The following DIAPH2 variants were observed in gnomAD, a reference collection of about 807,000 sequenced individuals.
DIAPH2 encodes protein diaphanous homolog 2.
Under a neutral mutation model 92.7 loss-of-function variants are expected in DIAPH2, and 35 were observed. The ratio of observed to expected loss-of-function variants is 0.38; its 90% confidence interval spans 0.29 to 0.50. The LOEUF is 0.50. Among genes scored for constraint, DIAPH2 ranks in the 20% least tolerant of loss-of-function variants. The pLI, the probability that DIAPH2 is intolerant of heterozygous loss-of-function variation, is 0.94. For synonymous variants in DIAPH2, 301 were observed against 280.4 expected, an observed-to-expected ratio of 1.07 and a Z score of -0.73; for missense variants, 701 against 819.5, an observed-to-expected ratio of 0.86 and a Z score of 1.77.
chrX:96,685,082 G>A lies in DIAPH2; in HGVS notation c.24G>A (p.Ala8=). 9.9e-7 allele frequency: 1 copy of A among 1,008,829 alleles called. No homozygotes were observed. 83.1% of individuals were successfully genotyped at this position (1,008,829 alleles called of 1,213,427 possible). Residue 8 remains alanine (A), a synonymous_variant, in exon 1 of 27, where the codon GCG becomes GCA. Coordinates refer to ENST00000324765, the MANE Select transcript of DIAPH2 (RefSeq NM_006729.5). ...AGATGGAGCAGCCCGGGGCGGCGGC[G>A]TCGGGAGCGGGAGGCGGCAGCGAGG... The part of the protein sequence containing the change: MEQPGAA[A]SGAGGGSEEP...
In DIAPH2 at chrX:97,164,666, C is replaced by T. The variant is rs2067398887; in HGVS notation, c.2719+22872C>T. On this transcript the variant is annotated intron_variant, in intron 22 of 26. Transcript: ENST00000324765. The stretch of plus-strand genomic sequence containing the variant: ...AGCTTTCTCAGTAAATTGTTTACAT[C>T]ACTGACCATTAATTCTTAGAAGTCC... Among the ~76,000 whole-genome samples the T allele has an allele frequency of 3.6e-5, 4 of 112,327 alleles. No homozygotes were observed. In the South Asian group the frequency reaches 1.5e-3, roughly 42 times the overall value.
At chrX:96,694,497 C>T (rs1019765633) in intron 1 of DIAPH2, among the ~76,000 whole-genome samples, 3 of 110,640 alleles carry the variant, frequency 2.7e-5, no homozygotes, top group Admixed American at 1.9e-4. Flanking sequence ...TGCACCACCA[C>T]GCCCAGCTAA....
intron 22 of DIAPH2, among the ~76,000 whole-genome samples, chrX:97,208,564 G>C (rs2067815888): frequency 2.7e-5 from 3 of 111,916 alleles, no homozygotes; most frequent in Admixed American, 1.9e-4. Context: ...TGCCAAAAGG[G>C]AATGACTGAC....
intron 22 of DIAPH2, among the ~76,000 whole-genome samples, chrX:97,231,241 CTTT>C (rs5903071): frequency 1.2e-5 from 1 of 83,379 alleles, no homozygotes; most frequent in Non-Finnish European, 2.3e-5. Flanking sequence ...TTCTTTCAGG[CTTT>C]TTTTTTTTTT....
chrX:97,436,715 T>C lies in DIAPH2; in HGVS notation c.3241+6970T>C, dbSNP rs773155829. On this transcript the variant is annotated intron_variant, in intron 26 of 26. Transcript: ENST00000324765. ...CACCTCATCTGCTATAAGGGATCTA[T>C]GAAGCATTTCTGGGAGTTATCAGGG... Among the ~76,000 whole-genome samples, 13 of 111,803 alleles carry C rather than the reference T, an allele frequency of 1.2e-4. No individual in the cohort carries two copies. The South Asian group carries it at 4.9e-3, about 42-fold the overall frequency.
intron 19 of DIAPH2, among the ~76,000 whole-genome samples, chrX:97,092,535 T>C: frequency 8.9e-6 from 1 of 112,862 alleles, no homozygotes; most frequent in African/African-American, 3.2e-5. Flanking sequence ...ATTTTGACTT[T>C]GTATTTCTTT....
At chrX:96,753,262 C>G (rs902148692) in intron 3 of DIAPH2, among the ~76,000 whole-genome samples, 2 of 111,434 alleles carry the variant, frequency 1.8e-5, no homozygotes, top group African/African-American at 6.5e-5. Flanking sequence ...GAGACATAGC[C>G]CAGCATATGT....
chrX:96,939,488 G>GTA (rs1363013600), intron 12 of DIAPH2, 106 bp downstream of exon 12: 15 of 108,826 alleles, frequency 1.4e-4, no homozygotes, highest in South Asian at 3.6e-4. Flanking sequence ...GTGTGTGTAT[G>GTA]TATATATATA....
At chrX:97,129,801 A>G (rs1366992352) in intron 21 of DIAPH2, among the ~76,000 whole-genome samples, 1 of 111,246 alleles carries the variant, frequency 9.0e-6, no homozygotes, top group Non-Finnish European at 1.9e-5. Context: ...AAATAACACT[A>G]TCAACAGAGT....
At chrX:97,179,214 G>C (rs12393786) in intron 22 of DIAPH2, among the ~76,000 whole-genome samples, 7,925 of 105,766 alleles carry the variant, frequency 0.075, 664 homozygotes, top group African/African-American at 0.24. Context: ...GCGAGGCTGT[G>C]ATCCTGTACT....
intron 22 of DIAPH2, among the ~76,000 whole-genome samples, chrX:97,170,169 T>C (rs1308688079): frequency 9.0e-6 from 1 of 110,946 alleles, no homozygotes; most frequent in African/African-American, 3.3e-5. Flanking sequence ...TCTGGACTTA[T>C]GGGGAGAAGT....
intron 22 of DIAPH2, among the ~76,000 whole-genome samples, chrX:97,227,272 TA>T (rs983253728): frequency 7.5e-5 from 8 of 106,789 alleles, no homozygotes; most frequent in South Asian, 4.0e-4. Context: ...AGACTTCGTC[TA>T]AAAAAAAAAC....
intron 10 of DIAPH2, among the ~76,000 whole-genome samples, chrX:96,936,263 G>A (rs2065656952): frequency 9.0e-6 from 1 of 111,518 alleles, no homozygotes; most frequent in African/African-American, 3.3e-5. Flanking sequence ...TTCAGTAATA[G>A]CCATTACATC....
chrX:96,780,665 G>A (rs1327772378), intron 4 of DIAPH2, among the ~76,000 whole-genome samples: 1 of 109,361 alleles, frequency 9.1e-6, no homozygotes, highest in Non-Finnish European at 1.9e-5. Context: ...TGTATTTTTA[G>A]TAGAGACGGG....
At chrX:96,956,637 T>G (rs920707131) in intron 15 of DIAPH2, among the ~76,000 whole-genome samples, 10 of 112,116 alleles carry the variant, frequency 8.9e-5, no homozygotes, top group African/African-American at 3.2e-4. Flanking sequence ...GTTCCACAGA[T>G]CTTTAGGGCA....
At chrX:97,160,831 A>G (rs1350974205) in intron 22 of DIAPH2, among the ~76,000 whole-genome samples, 1 of 111,653 alleles carries the variant, frequency 9.0e-6, no homozygotes, top group Non-Finnish European at 1.9e-5. Flanking sequence ...TTATATATTG[A>G]TCACAGAGAG....
At chrX:96,895,865 C>G (rs982295648) in intron 5 of DIAPH2, among the ~76,000 whole-genome samples, 3 of 111,879 alleles carry the variant, frequency 2.7e-5, no homozygotes, top group African/African-American at 9.7e-5. Context: ...AATGGCTGAC[C>G]AATGTCTTTC....
In DIAPH2 at chrX:97,312,618, G is replaced by A. The variant is rs189632592; in HGVS notation, c.2845-35498G>A. Reference sequence around the variant, plus strand: ...GCCGCCTCAGCCCTCCAAAGTGCTGGGATTACGGGCATCGGCCAGTGCACC... The same window carrying A: ...GCCGCCTCAGCCCTCCAAAGTGCTGAGATTACGGGCATCGGCCAGTGCACC... On this transcript the variant is annotated intron_variant, in intron 23 of 26. Coordinates refer to ENST00000324765, the MANE Select transcript of DIAPH2 (RefSeq NM_006729.5). Among the ~76,000 whole-genome samples, 35 of 110,949 alleles carry A rather than the reference G, an allele frequency of 3.2e-4. 1 individual carries two copies. In the East Asian group the frequency reaches 8.5e-3, roughly 27 times the overall value.
At chrX:97,148,322 C>T (rs903445013) in intron 22 of DIAPH2, among the ~76,000 whole-genome samples, 2 of 111,670 alleles carry the variant, frequency 1.8e-5, no homozygotes, top group Non-Finnish European at 3.8e-5. Flanking sequence ...TAGATGCTGA[C>T]CAAATAAAAA....
Sources: gnomAD v4.1 joint callset for allele counts (sites outside exome capture counted in the v4.1 genomes callset) on GRCh38, gnomAD v4.1.1 for gene constraint, MANE v1.5 for transcripts, NCBI Gene and HGNC (gene_info 2026-07-23, HGNC 2026-07-21) for gene names.